Variants in BSDC1 observed in about 807,000 individuals in gnomAD.
BSDC1 encodes BSD domain-containing protein 1.
A neutral mutation model predicts 56.0 loss-of-function variants in BSDC1; 29 were observed. The ratio of observed to expected loss-of-function variants is 0.52; its 90% CI spans 0.39 to 0.71. The LOEUF (loss-of-function observed/expected upper bound fraction) is 0.71, where lower values mean the gene tolerates loss of function less well. Ranked by LOEUF, BSDC1 falls within the 30% of genes least tolerant of loss-of-function variation. The probability of loss-of-function intolerance (pLI) is 0.00; values close to 1 mark genes in which losing one functional copy is unlikely to be tolerated. For synonymous variants in BSDC1, 210 were observed against 215.3 expected (o/e 0.98, Z 0.21); for missense variants, 477 against 548.5 (o/e 0.87, Z 1.30).
chr1:32,373,374 AT>A, intron 9 of BSDC1, among the ~76,000 whole-genome samples: 1 of 152,122 alleles, frequency 6.6e-6, no homozygotes, highest in South Asian at 2.1e-4. Context: ...ACCACTACTG[AT>A]TTTTTCTGAT....
At chr1:32,373,616 A>C (rs1642174935) in intron 9 of BSDC1, among the ~76,000 whole-genome samples, 1 of 151,540 alleles carries the variant, frequency 6.6e-6, no homozygotes, top group Admixed American at 6.6e-5. Context: ...CAACCTCCCC[A>C]CTCAGGTGAT....
At chr1:32,369,424 A>C in intron 9 of BSDC1, 1 of 554,400 alleles carries the variant, frequency 1.8e-6, no homozygotes, top group Non-Finnish European at 2.9e-6. Context: ...TGTGGTGATC[A>C]CTTGAGCCCA....
At position 32,386,898 on chromosome 1, in the gene BSDC1, G is replaced by A. The variant is rs758810439; in HGVS notation, c.73-3C>T. ...ATAAACTCCAAGGCTTCAGAGGACTGTGGGAAGACAGAGAGGGATGCCAGG... is the reference window on the plus strand; with the variant it reads ...ATAAACTCCAAGGCTTCAGAGGACTATGGGAAGACAGAGAGGGATGCCAGG... On this transcript the variant is annotated splice_region_variant and splice_polypyrimidine_tract_variant and intron_variant, in intron 2 of 10. Transcript: ENST00000455895. The A allele has an allele frequency of 4.3e-6, 7 of 1,611,212 alleles. No individual in the cohort carries two copies. The highest frequency in any genetic ancestry group is 5.9e-6 in the Non-Finnish European group (7 of 1,179,194).
chr1:32,385,034 A>G (rs1642617643), intron 3 of BSDC1, among the ~76,000 whole-genome samples: 1 of 152,198 alleles, frequency 6.6e-6, no homozygotes, highest in Admixed American at 6.5e-5. Flanking sequence ...AAAAATTCCA[A>G]AACTCATTTT....
chr1:32,394,367 C>G, intron 1 of BSDC1, 37 bp downstream of exon 1: 2 of 1,614,118 alleles, frequency 1.2e-6, no homozygotes, highest in Non-Finnish European at 1.7e-6. Context: ...TGGGAGAATT[C>G]AGGCCCCAAC....
chr1:32,369,065 C>G (rs1284794774), intron 9 of BSDC1, among the ~76,000 whole-genome samples: 1 of 152,162 alleles, frequency 6.6e-6, no homozygotes, highest in Non-Finnish European at 1.5e-5. Context: ...AAAGAGTGTT[C>G]ACTGCAGTGC....
At chr1:32,394,272 C>A in intron 1 of BSDC1, 132 bp from the exon 2 acceptor site, 1 of 1,557,186 alleles carries the variant, frequency 6.4e-7, no homozygotes, top group South Asian at 1.1e-5. Context: ...CCTCACAATG[C>A]GACTCCACTC....
chr1:32,382,408 G>A (rs1642511293), intron 4 of BSDC1, among the ~76,000 whole-genome samples: 1 of 151,674 alleles, frequency 6.6e-6, no homozygotes, highest in African/African-American at 2.4e-5. Context: ...AGGCTGCCAT[G>A]AGCTGTGATC....
intron 2 of BSDC1, among the ~76,000 whole-genome samples, chr1:32,393,018 C>T (rs1006843568): frequency 2.0e-5 from 3 of 152,122 alleles, no homozygotes; most frequent in African/African-American, 7.2e-5. Context: ...GAGCTGAGAC[C>T]GCACCTGTGC....
Position 32,366,659 on chromosome 1 carries a change from A to G in BSDC1, c.1261-5T>C, listed in dbSNP as rs1570090346. 1 of 1,465,142 alleles carries G rather than the reference A, an allele frequency of 6.8e-7. No individual in the cohort carries two copies. Among genetic ancestry groups the G allele is most frequent in the Middle Eastern group, 1.8e-4 (1 of 5,554 alleles). 90.8% of individuals were successfully genotyped at this position (1,465,142 alleles called of 1,614,324 possible). On this transcript the variant is annotated splice_polypyrimidine_tract_variant and splice_region_variant and intron_variant, in intron 10 of 10. Transcript: ENST00000455895. ...CTCCCACTCTACATCTTCCAGCTGC[A>G]AATGGGAGGGGGTAATGGAAATCAC...
chr1:32,393,755 CTTCAAGACCTG>C (rs1642948517), intron 2 of BSDC1: 1 of 361,232 alleles, frequency 2.8e-6, no homozygotes, highest in Non-Finnish European at 5.1e-6. Context: ...GAATCTTTTC[CTTCAAGACCTG>C]TATCAAATGC....
rs145768557 is a variant in BSDC1, at chr1:32,376,563, G to C, written c.855C>G (p.Leu285=). The change falls in exon 9 of 11, where the codon CTC becomes CTG. Residue 285 remains leucine, a synonymous_variant. Transcript: ENST00000455895. ...TPSESSESIS[L]VTQIANPATA... ...TGGCCGGGTTGGCGATCTGTGTCACGAGGGAGATGCTCTCACTGCTCTCTG... is the reference window on the plus strand; with the variant it reads ...TGGCCGGGTTGGCGATCTGTGTCACCAGGGAGATGCTCTCACTGCTCTCTG... The C allele has an allele frequency of 1.5e-5, 23 of 1,537,438 alleles. No homozygotes were observed. The highest frequency in any genetic ancestry group is 9.1e-5 in the Admixed American group (5 of 55,122).
At chr1:32,372,888 C>A (rs1396465954) in intron 9 of BSDC1, among the ~76,000 whole-genome samples, 3 of 152,158 alleles carry the variant, frequency 2.0e-5, no homozygotes, top group Non-Finnish European at 4.4e-5. Context: ...AACCTCCAGG[C>A]TCCTTCCAGG....
intron 10 of BSDC1, 123 bp downstream of exon 10, chr1:32,368,324 C>T: frequency 1.9e-6 from 3 of 1,611,520 alleles, no homozygotes; most frequent in Non-Finnish European, 2.5e-6. Context: ...GCTCCTTTCC[C>T]ACCACCTGTC....
intron 2 of BSDC1, among the ~76,000 whole-genome samples, chr1:32,391,972 C>T (rs1642880665): frequency 6.6e-6 from 1 of 152,164 alleles, no homozygotes; most frequent in South Asian, 2.1e-4. Context: ...ACCACAATCT[C>T]ATCAAGTAGG....
chr1:32,380,352 A>AC (rs772087171), intron 5 of BSDC1, among the ~76,000 whole-genome samples: 22 of 151,986 alleles, frequency 1.4e-4, no homozygotes, highest in Admixed American at 5.2e-4. Flanking sequence ...TAACCTTAAA[A>AC]CCCCAACTCC....
At chr1:32,386,234 G>A (rs1642662834) in intron 3 of BSDC1, among the ~76,000 whole-genome samples, 1 of 150,238 alleles carries the variant, frequency 6.7e-6, no homozygotes, top group African/African-American at 2.4e-5. Context: ...CAGGAGAATA[G>A]CATGAACCCG....
In BSDC1 at chr1:32,378,361, T is replaced by C. The variant is rs935564596; in HGVS notation, c.529-78A>G. 1.7e-5 allele frequency: 24 copies of C among 1,407,228 alleles called. No homozygotes were observed. The highest frequency in any genetic ancestry group is 5.0e-6 in the Non-Finnish European group (5 of 998,854). The allele number at this position is 1,407,228 out of a possible 1,614,324, so 87.2% of individuals were successfully genotyped here. ...TGTGTCCCCAGCCTTATCAGTCTAT[T>C]CCCAGCCAGTCTGGATTTCAGACCC... On this transcript the variant is annotated intron_variant, in intron 6 of 10. Transcript: ENST00000455895. This position sits in a 1 kb window ranked among gnomAD's most constrained non-coding sequence, Gnocchi z 5.2.
chr1:32,370,068 C>T (rs1240267969), intron 9 of BSDC1, among the ~76,000 whole-genome samples: 3 of 152,254 alleles, frequency 2.0e-5, no homozygotes, highest in African/African-American at 7.2e-5. Flanking sequence ...ACCTCTGCCT[C>T]GCAGGTTCAA....
Sources: gnomAD v4.1 joint callset for allele counts (sites outside exome capture counted in the v4.1 genomes callset) on GRCh38, gnomAD v4.1.1 for gene constraint, Gnocchi (gnomAD v3.1) non-coding constraint, MANE v1.5 for transcripts, NCBI Gene and HGNC (gene_info 2026-07-23, HGNC 2026-07-21) for gene names.